The following CLEC2L variants were observed in gnomAD, a reference collection of about 807,000 sequenced individuals.
The protein encoded by CLEC2L is C-type lectin domain family 2 member L.
CLEC2L carries 14 observed loss-of-function variants against 23.6 expected under a neutral mutation model. That is an observed-to-expected ratio of 0.59 (90% CI 0.39 to 0.93). CLEC2L has a LOEUF of 0.93. Among genes scored for constraint, CLEC2L ranks in the 40% least tolerant of loss-of-function variants. The pLI, the probability that CLEC2L is intolerant of heterozygous loss-of-function variation, is 0.00. For missense variants in CLEC2L, 264 were observed against 282.4 expected (o/e 0.93, Z 0.47); for synonymous variants, 114 against 121.3 (o/e 0.94, Z 0.40).
In CLEC2L at chr7:139,544,346, G is replaced by A; in HGVS notation, c.*4G>A. The stretch of plus-strand genomic sequence containing the variant: ...CAGCAAGATGGCCTATACTTGAGGT[G>A]GGTGGGGCCAGAGGTGGCCCCGCCC... On this transcript the variant is annotated 3_prime_UTR_variant, in exon 5 of 5. Transcript: ENST00000422142. 1 of 1,601,740 alleles carries A rather than the reference G, an allele frequency of 6.2e-7. No homozygotes were observed. Among genetic ancestry groups the A allele is most frequent in the Non-Finnish European group, 8.5e-7 (1 of 1,171,346 alleles).
chr7:139,524,540 G>T (rs1797478935), intron 1 of CLEC2L, among the ~76,000 whole-genome samples: 1 of 152,150 alleles, frequency 6.6e-6, no homozygotes, highest in Non-Finnish European at 1.5e-5. Context: ...CCGCCCCTGT[G>T]AGAGCCGCGG....
At chr7:139,541,993 C>G (rs1442726796) in intron 3 of CLEC2L, 28 bp from the exon 4 acceptor site, 1 of 1,527,236 alleles carries the variant, frequency 6.5e-7, no homozygotes, top group Non-Finnish European at 9.0e-7. Flanking sequence ...GCATCTGACC[C>G]TGAGGTGTCC....
chr7:139,543,435 A>G (rs534625697), intron 4 of CLEC2L, among the ~76,000 whole-genome samples: 1 of 152,226 alleles, frequency 6.6e-6, no homozygotes, highest in Non-Finnish European at 1.5e-5. Flanking sequence ...CATTTCTCAG[A>G]CACTGCAGAG....
intron 1 of CLEC2L, 79 bp from the exon 2 acceptor site, chr7:139,536,195 A>C: frequency 8.9e-7 from 1 of 1,119,782 alleles, no homozygotes; most frequent in Non-Finnish European, 1.3e-6. Flanking sequence ...CCTGTTTCTC[A>C]TTAGCAGGGT....
At chr7:139,537,219 G>T (rs569798902) in intron 2 of CLEC2L, among the ~76,000 whole-genome samples, 1 of 152,280 alleles carries the variant, frequency 6.6e-6, no homozygotes, top group African/African-American at 2.4e-5. Context: ...AGGAGGTAGA[G>T]AGTGCTAGGG....
At chr7:139,535,828 C>T (rs912286420) in intron 1 of CLEC2L, among the ~76,000 whole-genome samples, 7 of 152,096 alleles carry the variant, frequency 4.6e-5, no homozygotes, top group Non-Finnish European at 7.3e-5. Flanking sequence ...AACCTGCGAC[C>T]GCATAGAGAA....
At chr7:139,542,684 G>C (rs1288598391) in intron 4 of CLEC2L, among the ~76,000 whole-genome samples, 1 of 152,226 alleles carries the variant, frequency 6.6e-6, no homozygotes, top group Non-Finnish European at 1.5e-5. Context: ...TCTCTTGATG[G>C]ACGGAGCGCT....
In CLEC2L at chr7:139,544,408, C is replaced by A; in HGVS notation, c.*66C>A. ...GGAGGTGTCTGGTGTCTGCTCAAGA[C>A]CTGCTTCCAGCGGAGCCGCCTGCCC... On this transcript the variant is annotated 3_prime_UTR_variant, in exon 5 of 5. Coordinates refer to ENST00000422142, the MANE Select transcript of CLEC2L (RefSeq NM_001080511.4). 1.6e-6 allele frequency: 2 copies of A among 1,218,272 alleles called. No homozygotes were observed. Among genetic ancestry groups the A allele is most frequent in the Non-Finnish European group, 2.4e-6 (2 of 846,026 alleles). 75.5% of individuals were successfully genotyped at this position (1,218,272 alleles called of 1,614,324 possible). A position where few individuals can be genotyped will look rare whatever the true frequency, so the allele number is the denominator to read the frequency against.
At chr7:139,528,573 G>T (rs914762061) in intron 1 of CLEC2L, among the ~76,000 whole-genome samples, 2 of 152,160 alleles carry the variant, frequency 1.3e-5, no homozygotes, top group African/African-American at 4.8e-5. Context: ...CACAAGAACA[G>T]CATGATTTGG....
chr7:139,530,982 C>CT (rs1797573636), intron 1 of CLEC2L, among the ~76,000 whole-genome samples: 1 of 152,266 alleles, frequency 6.6e-6, no homozygotes, highest in African/African-American at 2.4e-5. Flanking sequence ...TCCATGGACT[C>CT]TCATCCATCC....
intron 1 of CLEC2L, among the ~76,000 whole-genome samples, chr7:139,530,015 C>CAAA (rs59845086): frequency 2.1e-4 from 22 of 103,560 alleles, no homozygotes; most frequent in African/African-American, 5.1e-4. Context: ...TTGCAGTGAG[C>CAAA]AAAAAAAAAA....
At chr7:139,532,239 T>C (rs994041582) in intron 1 of CLEC2L, among the ~76,000 whole-genome samples, 1 of 152,216 alleles carries the variant, frequency 6.6e-6, no homozygotes. Flanking sequence ...CACAATTCCA[T>C]GGGCAACATT....
In CLEC2L at chr7:139,540,155, A is replaced by T; in HGVS notation, c.266-166A>T. 1.6e-6 allele frequency: 1 copy of T among 643,018 alleles called. No homozygotes were observed. The highest frequency in any genetic ancestry group is 2.6e-6 in the Non-Finnish European group (1 of 379,962). 39.8% of individuals were successfully genotyped at this position (643,018 alleles called of 1,614,324 possible). The stretch of plus-strand genomic sequence containing the variant: ...CAGGCTTCCCACAGTCCCCTTTCTC[A>T]TTCATTTAGTGGCCACCCTTTTACC... On this transcript the variant is annotated intron_variant, in intron 2 of 4. Transcript: ENST00000422142. The surrounding 1 kb of genome is among the most constrained non-coding windows in gnomAD (Gnocchi z 5.8).
intron 1 of CLEC2L, among the ~76,000 whole-genome samples, chr7:139,529,146 G>A (rs1213059560): frequency 6.6e-6 from 1 of 152,120 alleles, no homozygotes; most frequent in Non-Finnish European, 1.5e-5. Flanking sequence ...TACCCCAAAG[G>A]AGCCTAGGGC....
Position 139,544,359 on chromosome 7 carries a change from G to A in CLEC2L, c.*17G>A, listed in dbSNP as rs2116332447. On this transcript the variant is annotated 3_prime_UTR_variant, in exon 5 of 5. Coordinates refer to ENST00000422142, the MANE Select transcript of CLEC2L (RefSeq NM_001080511.4). ...TATACTTGAGGTGGGTGGGGCCAGA[G>A]GTGGCCCCGCCCCTAGGCCTGTGGG... 1 of 1,543,540 alleles carries A rather than the reference G, an allele frequency of 6.5e-7. No homozygotes were observed. The highest frequency in any genetic ancestry group is 8.9e-7 in the Non-Finnish European group (1 of 1,122,636).
rs767239239 is a variant in CLEC2L, at chr7:139,542,042, C to T, written c.454C>T (p.Arg152Trp). 9.9e-6 allele frequency: 16 copies of T among 1,612,538 alleles called. No individual in the cohort carries two copies. The East Asian group carries it at 2.2e-4, about 22-fold the overall frequency. Residue 152 changes from arginine (R) to tryptophan (W), a missense_variant, in exon 4 of 5, where the codon CGG becomes TGG. Arg to Trp is a moderately radical substitution (Grantham distance 101, BLOSUM62 -3). Transcript: ENST00000422142. ...GCAGGAATTTATGTTCAAGTTCACG[C>T]GGAGGGAGCCCTGGATTGGACTACG... ...KELEFMFKFT[R>W]REPWIGLRRV...
Position 139,540,401 on chromosome 7 carries a change from G to C in CLEC2L, c.346G>C (p.Glu116Gln), listed in dbSNP as rs1021895960. ...LYGRKCYFFSEEPRDWNTGRQ... is the reference protein window; with the variant it reads ...LYGRKCYFFSQEPRDWNTGRQ... ...CGGAAGGAAGTGCTACTTCTTTTCC[G>C]AGGAACCCAGAGACTGGAACACAGG... is the stretch of plus-strand genomic sequence containing the variant. The change falls in exon 3 of 5, where the codon GAG becomes CAG. Residue 116 changes from glutamate to glutamine, a missense_variant. Glu to Gln is a conservative substitution (Grantham distance 29). Coordinates refer to ENST00000422142, the MANE Select transcript of CLEC2L (RefSeq NM_001080511.4). The surrounding 1 kb of genome is among the most constrained non-coding windows in gnomAD (Gnocchi z 5.8). 2 of 1,609,076 alleles carry C rather than the reference G, an allele frequency of 1.2e-6. No homozygotes were observed. The highest frequency in any genetic ancestry group is 1.7e-6 in the Non-Finnish European group (2 of 1,178,136).
At chr7:139,543,068 C>A (rs1369388568) in intron 4 of CLEC2L, among the ~76,000 whole-genome samples, 1 of 152,164 alleles carries the variant, frequency 6.6e-6, no homozygotes, top group Non-Finnish European at 1.5e-5. Flanking sequence ...GCATCTGAGA[C>A]CCTGGGATCC....
rs1481869846 is a variant in CLEC2L, at chr7:139,523,913, G to A, written c.-15G>A. Reference sequence around the variant, plus strand: ...CGGTGCAGGAGCGCGGGCGCGGCGCGGCGGAGCGCCCCGCATGGAGCCGGC... The same window carrying A: ...CGGTGCAGGAGCGCGGGCGCGGCGCAGCGGAGCGCCCCGCATGGAGCCGGC... On this transcript the variant is annotated 5_prime_UTR_variant, in exon 1 of 5. Transcript: ENST00000422142. This position sits in a 1 kb window ranked among gnomAD's most constrained non-coding sequence, Gnocchi z 4.1. The A allele has an allele frequency of 1.0e-6, 1 of 977,366 alleles. No homozygotes were observed. Among genetic ancestry groups the A allele is most frequent in the Non-Finnish European group, 1.2e-6 (1 of 826,288 alleles). 60.5% of individuals were successfully genotyped at this position (977,366 alleles called of 1,614,324 possible).
Sources: gnomAD v4.1 joint callset for allele counts (sites outside exome capture counted in the v4.1 genomes callset) on GRCh38, gnomAD v4.1.1 for gene constraint, Gnocchi (gnomAD v3.1) non-coding constraint, MANE v1.5 for transcripts, NCBI Gene and HGNC (gene_info 2026-07-23, HGNC 2026-07-21) for gene names.